The following RYR2 variants were observed in gnomAD, a reference collection of about 807,000 sequenced individuals.
The protein encoded by RYR2 is ryanodine receptor 2.
In RYR2, 227 loss-of-function variants were observed where a neutral mutation model predicts 601.1. That is an observed-to-expected ratio of 0.38 (90% confidence interval 0.34 to 0.42). RYR2 has a LOEUF of 0.42. Among genes scored for constraint, RYR2 ranks in the 10% least tolerant of loss-of-function variants. The pLI is 1.00. For missense variants in RYR2, 4,646 were observed against 6,156.5 expected (o/e 0.75, Z 8.21); for synonymous variants, 2,223 against 2,175.1 (o/e 1.02, Z -0.61).
At chr1:237,192,784 T>C (rs955447013) in intron 1 of RYR2, among the ~76,000 whole-genome samples, 10 of 152,220 alleles carry the variant, frequency 6.6e-5, no homozygotes, top group African/African-American at 2.2e-4. Flanking sequence ...TTTTGATTTT[T>C]ATTTTACTTC....
Position 237,346,367 on chromosome 1 carries a change from C to CAAAAAAAAAAAAAAAAAAAAAAAAAAA in RYR2, c.274-9581_274-9580insAAAAAAAAAAAAAAAAAAAAAAAAAAA, listed in dbSNP as rs397975831. On this transcript the variant is annotated intron_variant, in intron 3 of 104. Transcript: ENST00000366574. ...CTGGGCAAAGTGAGAGGGTCTACCT[C>CAAAAAAAAAAAAAAAAAAAAAAAAAAA]AAAAAAAAAAAAAAAAAGTGCATAT... 8.8e-4 allele frequency among the ~76,000 whole-genome samples: 55 copies of CAAAAAAAAAAAAAAAAAAAAAAAAAAA among 62,302 alleles called. 4 individuals are homozygous for CAAAAAAAAAAAAAAAAAAAAAAAAAAA. Among genetic ancestry groups the CAAAAAAAAAAAAAAAAAAAAAAAAAAA allele is most frequent in the Non-Finnish European group, 1.4e-3 (43 of 29,772 alleles). 40.9% of individuals were successfully genotyped at this position (62,302 alleles called of 152,430 possible).
At chr1:237,690,855 T>A (rs894920575) in intron 63 of RYR2, among the ~76,000 whole-genome samples, 30 of 152,124 alleles carry the variant, frequency 2.0e-4, no homozygotes, top group African/African-American at 7.0e-4. Flanking sequence ...AGTAAAGCCT[T>A]TATAATACAC....
intron 31 of RYR2, among the ~76,000 whole-genome samples, 189 bp downstream of exon 31, chr1:237,591,181 TTCTCCTCCTCCCCCTTCTCCTCC>T (rs1675151743): frequency 2.0e-4 from 1 of 4,882 alleles, no homozygotes; most frequent in African/African-American, 2.9e-4. Context: ...CTCCTCCCCC[TTCTCCTCCTCCCCCTTCTCCTCC>T]TCCCCCTTCT....
chr1:237,706,589 G>A (rs751192460), intron 67 of RYR2, among the ~76,000 whole-genome samples: 2 of 152,140 alleles, frequency 1.3e-5, no homozygotes, highest in Non-Finnish European at 2.9e-5. Context: ...TGGTGGAGCC[G>A]TGAGTGGGGG....
intron 8 of RYR2, among the ~76,000 whole-genome samples, chr1:237,379,131 A>G (rs538023568): frequency 1.0e-3 from 157 of 152,360 alleles, no homozygotes; most frequent in African/African-American, 3.6e-3. Flanking sequence ...CTGGAAACCA[A>G]TAGCAGTAGA....
intron 1 of RYR2, among the ~76,000 whole-genome samples, chr1:237,150,931 T>A (rs1183900939): frequency 1.3e-5 from 2 of 152,172 alleles, no homozygotes; most frequent in African/African-American, 4.8e-5. Context: ...GTGTTTAAGT[T>A]GGTGGTTTTA....
intron 1 of RYR2, among the ~76,000 whole-genome samples, chr1:237,188,877 T>TTTTTTATTTG (rs1447177299): frequency 2.0e-5 from 3 of 152,186 alleles, no homozygotes; most frequent in Admixed American, 6.5e-5. Context: ...TGTCTTCTTG[T>TTTTTTATTTG]TTTTTATTGT....
At chr1:237,064,198 C>G (rs60946806) in intron 1 of RYR2, among the ~76,000 whole-genome samples, 27,297 of 151,804 alleles carry the variant, frequency 0.18, 2,501 homozygotes, top group Non-Finnish European at 0.18. Flanking sequence ...TTTCTTTGTA[C>G]TTAATTCGGA....
chr1:237,831,688 T>G, intron 104 of RYR2, 123 bp downstream of exon 104: 1 of 630,810 alleles, frequency 1.6e-6, no homozygotes, highest in East Asian at 3.0e-5. Context: ...TTGTGGTATC[T>G]TGATGTAAAG....
At chr1:237,045,462 A>C (rs964579129) in intron 1 of RYR2, among the ~76,000 whole-genome samples, 2 of 152,048 alleles carry the variant, frequency 1.3e-5, no homozygotes, top group Admixed American at 1.3e-4. Context: ...CCAAATAGTT[A>C]TGTAGATGAA....
At position 237,830,549 on chromosome 1, in the gene RYR2, G is replaced by T; in HGVS notation, c.14675G>T (p.Gly4892Val). 1 of 1,605,706 alleles carries T rather than the reference G, an allele frequency of 6.2e-7. No homozygotes were observed. The highest frequency in any genetic ancestry group is 8.5e-7 in the Non-Finnish European group (1 of 1,172,458). The change falls in exon 103 of 105, where the codon GGG (glycine) becomes GTG (valine). Residue 4892 changes from glycine to valine, a missense_variant. Coordinates refer to ENST00000366574, the MANE Select transcript of RYR2 (RefSeq NM_001035.3). ...EDMETKCFIC[G>V]IGNDYFDTVP... ...TTCTAGACCAAATGCTTCATCTGTG[G>T]GATAGGCAATGATTACTTCGACACA...
chr1:237,814,021 T>A (rs1298526196), intron 100 of RYR2, among the ~76,000 whole-genome samples: 2 of 152,190 alleles, frequency 1.3e-5, no homozygotes. Context: ...CACACGCTCA[T>A]ATCCCAGTAA....
intron 1 of RYR2, among the ~76,000 whole-genome samples, chr1:237,179,553 C>T (rs1332774260): frequency 6.6e-6 from 1 of 152,078 alleles, no homozygotes; most frequent in Non-Finnish European, 1.5e-5. Context: ...TTCCACTGAA[C>T]TCTTTATCTG....
At chr1:237,664,078 C>A (rs1310377095) in intron 56 of RYR2, among the ~76,000 whole-genome samples, 1 of 152,178 alleles carries the variant, frequency 6.6e-6, no homozygotes, top group Admixed American at 6.5e-5. Context: ...ATTATTTACT[C>A]CCAAATTCCA....
intron 5 of RYR2, among the ~76,000 whole-genome samples, chr1:237,369,315 T>G (rs1700456018): frequency 6.6e-6 from 1 of 152,204 alleles, no homozygotes; most frequent in Non-Finnish European, 1.5e-5. Flanking sequence ...AGTTTATTTT[T>G]CAAGAACTAG....
intron 2 of RYR2, among the ~76,000 whole-genome samples, chr1:237,312,938 C>G (rs1187560241): frequency 6.6e-6 from 1 of 152,048 alleles, no homozygotes; most frequent in Admixed American, 6.6e-5. Flanking sequence ...ACCATTAAAA[C>G]AAAACACCAA....
chr1:237,632,235 C>T (rs367951198), intron 42 of RYR2, among the ~76,000 whole-genome samples: 1 of 145,452 alleles, frequency 6.9e-6, no homozygotes. Flanking sequence ...ATTCAGTTCT[C>T]ATCACGTTAC....
chr1:237,579,170 A>G (rs1673601739), intron 29 of RYR2, among the ~76,000 whole-genome samples: 1 of 151,604 alleles, frequency 6.6e-6, no homozygotes. Context: ...CCCAAATACC[A>G]GCTAATAATA....
At chr1:237,478,420 TTAAATTA>T (rs1661646132) in intron 17 of RYR2, among the ~76,000 whole-genome samples, 5 of 152,226 alleles carry the variant, frequency 3.3e-5, no homozygotes, top group Non-Finnish European at 7.3e-5. Flanking sequence ...AATGTGCTTA[TTAAATTA>T]AATGTATAAA....
Sources: gnomAD v4.1 joint callset for allele counts (sites outside exome capture counted in the v4.1 genomes callset) on GRCh38, gnomAD v4.1.1 for gene constraint, MANE v1.5 for transcripts, NCBI Gene and HGNC (gene_info 2026-07-23, HGNC 2026-07-21) for gene names.